Variants in ZRANB3 observed in about 807,000 individuals in gnomAD.
The protein encoded by ZRANB3 is DNA annealing helicase and endonuclease ZRANB3.
ZRANB3 carries 125 observed loss-of-function variants against 133.8 expected under a neutral mutation model. That is an observed-to-expected ratio of 0.93 (90% CI 0.81 to 1.08). ZRANB3 has a LOEUF of 1.08. Among genes scored for constraint, ZRANB3 ranks in the 50% least tolerant of loss-of-function variants. The pLI, the probability that ZRANB3 is intolerant of heterozygous loss-of-function variation, is 0.00. For synonymous variants in ZRANB3, 387 were observed against 432.7 expected (o/e 0.89, Z 1.31); for missense variants, 1,229 against 1,275.5 (o/e 0.96, Z 0.56).
intron 2 of ZRANB3, among the ~76,000 whole-genome samples, chr2:135,445,993 T>A (rs1229446480): frequency 6.7e-6 from 1 of 149,824 alleles, no homozygotes; most frequent in Non-Finnish European, 1.5e-5. Context: ...TCACATGAGG[T>A]CAGGAGTTCG....
At chr2:135,519,396 A>G (rs1693830253) in intron 1 of ZRANB3, among the ~76,000 whole-genome samples, 1 of 152,236 alleles carries the variant, frequency 6.6e-6, no homozygotes, top group African/African-American at 2.4e-5. Context: ...CTGTAATCCC[A>G]GAACTTTGGG....
At chr2:135,342,384 T>C (rs1684716245) in intron 6 of ZRANB3, among the ~76,000 whole-genome samples, 1 of 150,058 alleles carries the variant, frequency 6.7e-6, no homozygotes, top group Admixed American at 6.6e-5. Flanking sequence ...TATCTTAATC[T>C]ATTCTTCTTT....
Position 135,398,521 on chromosome 2 carries a change from CTTT to C in ZRANB3, c.162-7704_162-7702del, listed in dbSNP as rs374119156. Among the ~76,000 whole-genome samples, 8 of 123,892 alleles carry C rather than the reference CTTT, an allele frequency of 6.5e-5. No individual in the cohort carries two copies. The South Asian group carries it at 1.3e-3, about 20-fold the overall frequency. 81.3% of individuals were successfully genotyped at this position (123,892 alleles called of 152,430 possible). On this transcript the variant is annotated intron_variant, in intron 2 of 20. Coordinates refer to ENST00000264159, the MANE Select transcript of ZRANB3 (RefSeq NM_032143.4). ...CAAACAAAAACCATTTCTTTTGTCA[CTTT>C]TTTTTTTTTTTTGAGATGGAGTCTT...
At chr2:135,406,044 GAGA>G (rs1688006882) in intron 2 of ZRANB3, among the ~76,000 whole-genome samples, 1 of 152,146 alleles carries the variant, frequency 6.6e-6, no homozygotes, top group South Asian at 2.1e-4. Flanking sequence ...CTGGTTTTTT[GAGA>G]AGAACAACAA....
At chr2:135,337,743 A>T (rs907911063) in intron 6 of ZRANB3, among the ~76,000 whole-genome samples, 1 of 152,234 alleles carries the variant, frequency 6.6e-6, no homozygotes, top group Non-Finnish European at 1.5e-5. Flanking sequence ...TCCAAGTCAC[A>T]AAACTATATT....
intron 3 of ZRANB3, among the ~76,000 whole-genome samples, chr2:135,386,219 C>A (rs1181366002): frequency 1.3e-5 from 2 of 152,152 alleles, no homozygotes; most frequent in Non-Finnish European, 2.9e-5. Context: ...GACATTTATG[C>A]AGCCAAAAGA....
chr2:135,426,199 T>TACAAAGCAGAAAAAGCCC (rs1689058604), intron 2 of ZRANB3, among the ~76,000 whole-genome samples: 1 of 152,004 alleles, frequency 6.6e-6, no homozygotes, highest in Non-Finnish European at 1.5e-5. Context: ...ATAAAAAGCC[T>TACAAAGCAGAAAAAGCCC]ACCAAGCAGA....
chr2:135,372,591 T>C (rs987590611), intron 3 of ZRANB3, among the ~76,000 whole-genome samples: 6 of 151,824 alleles, frequency 4.0e-5, no homozygotes, highest in Non-Finnish European at 5.9e-5. Flanking sequence ...ATCGAGACCA[T>C]CCTGGCTAAC....
intron 2 of ZRANB3, among the ~76,000 whole-genome samples, chr2:135,501,349 A>G (rs1293675332): frequency 6.6e-6 from 1 of 152,184 alleles, no homozygotes; most frequent in South Asian, 2.1e-4. Context: ...GTTTCTGAAC[A>G]TAAGTCCTTC....
intron 2 of ZRANB3, among the ~76,000 whole-genome samples, chr2:135,474,694 A>G (rs1226018602): frequency 6.6e-6 from 1 of 152,226 alleles, no homozygotes; most frequent in South Asian, 2.1e-4. Flanking sequence ...TTTTCTTTAT[A>G]AATTACCCAG....
chr2:135,275,981 G>A (rs1680800928), intron 8 of ZRANB3, among the ~76,000 whole-genome samples: 2 of 152,002 alleles, frequency 1.3e-5, no homozygotes, highest in East Asian at 1.9e-4. Context: ...AAGAAGACAA[G>A]AATTAGAAGA....
chr2:135,505,148 A>T (rs942030577), intron 1 of ZRANB3, among the ~76,000 whole-genome samples: 5 of 152,140 alleles, frequency 3.3e-5, no homozygotes, highest in African/African-American at 1.2e-4. Flanking sequence ...TAAAAATGTC[A>T]TATATCTGTA....
At chr2:135,527,249 C>G (rs1308734683) in intron 1 of ZRANB3, among the ~76,000 whole-genome samples, 1 of 152,080 alleles carries the variant, frequency 6.6e-6, no homozygotes, top group Admixed American at 6.6e-5. Flanking sequence ...GACTCAGGGT[C>G]ACACTATACA....
chr2:135,209,350 C>CT (rs1403108986), intron 17 of ZRANB3, among the ~76,000 whole-genome samples: 3 of 152,210 alleles, frequency 2.0e-5, no homozygotes, highest in African/African-American at 7.2e-5. Context: ...CAGAAAATCT[C>CT]TAACTGTATT....
chr2:135,242,384 CAGG>C (rs1695590188), intron 12 of ZRANB3, among the ~76,000 whole-genome samples: 1 of 151,802 alleles, frequency 6.6e-6, no homozygotes, highest in Non-Finnish European at 1.5e-5. Flanking sequence ...AGCAAAAAAT[CAGG>C]AGGGTAATGG....
At chr2:135,227,731 G>A in intron 14 of ZRANB3, 81 bp downstream of exon 14, 1 of 1,377,876 alleles carries the variant, frequency 7.3e-7, no homozygotes, top group Non-Finnish European at 1.0e-6. Flanking sequence ...GAACAAGGTA[G>A]TAATTACTAA....
Position 135,325,386 on chromosome 2 carries a change from G to A in ZRANB3, c.678-9856C>T, listed in dbSNP as rs543889611. On this transcript the variant is annotated intron_variant, in intron 6 of 20. Transcript: ENST00000264159. Reference sequence around the variant, plus strand: ...ATGTCCACATAATAAATTATGATGAGGTTTTATTTTAAAGAGGCATGCCAA... The same window carrying A: ...ATGTCCACATAATAAATTATGATGAAGTTTTATTTTAAAGAGGCATGCCAA... Among the ~76,000 whole-genome samples the A allele has an allele frequency of 1.4e-4, 21 of 152,108 alleles. No individual in the cohort carries two copies. The South Asian group carries it at 1.4e-3, about 11-fold the overall frequency.
At chr2:135,481,061 G>A (rs1417988493) in intron 2 of ZRANB3, among the ~76,000 whole-genome samples, 3 of 152,026 alleles carry the variant, frequency 2.0e-5, no homozygotes, top group African/African-American at 7.3e-5. Flanking sequence ...TGTGAATAAT[G>A]CCGCAATAAA....
chr2:135,405,605 A>C (rs538315418), intron 2 of ZRANB3, among the ~76,000 whole-genome samples: 1 of 152,206 alleles, frequency 6.6e-6, no homozygotes, highest in Non-Finnish European at 1.5e-5. Context: ...AAGAACAGAA[A>C]TTATAACAAA....
Sources: gnomAD v4.1 joint callset for allele counts (sites outside exome capture counted in the v4.1 genomes callset) on GRCh38, gnomAD v4.1.1 for gene constraint, MANE v1.5 for transcripts, NCBI Gene and HGNC (gene_info 2026-07-23, HGNC 2026-07-21) for gene names.